The following EML4 variants were observed in gnomAD, a reference collection of about 807,000 sequenced individuals.
EML4 encodes the protein EMAP like 4, also known as echinoderm microtubule-associated protein-like 4.
In EML4, 72 loss-of-function variants were observed where a neutral mutation model predicts 129.0. The ratio of observed to expected loss-of-function variants is 0.56; its 90% CI spans 0.46 to 0.68. EML4 has a LOEUF of 0.68. Ranked by LOEUF, EML4 falls within the 30% of genes least tolerant of loss-of-function variation. The probability of loss-of-function intolerance (pLI) is 0.00; values close to 1 mark genes in which losing one functional copy is unlikely to be tolerated. For synonymous variants in EML4, 532 were observed against 405.0 expected (o/e 1.31, Z -3.77); for missense variants, 1,363 against 1,190.6 (o/e 1.14, Z -2.13).
chr2:42,208,455 T>G (rs1157360803), intron 1 of EML4, among the ~76,000 whole-genome samples: 3 of 151,216 alleles, frequency 2.0e-5, no homozygotes, highest in Admixed American at 6.6e-5. Context: ...TTTTTTTTTT[T>G]TGAGACAGAA....
chr2:42,283,036 T>G, intron 8 of EML4, 64 bp downstream of exon 8: 1 of 1,448,806 alleles, frequency 6.9e-7, no homozygotes, highest in Non-Finnish European at 9.3e-7. Context: ...ATTTTTTAAA[T>G]TTGGGTTTTA....
At chr2:42,280,758 G>GTA in intron 6 of EML4, 92 bp from the exon 7 acceptor site, 1 of 951,982 alleles carries the variant, frequency 1.1e-6, no homozygotes, top group Non-Finnish European at 1.5e-6. Context: ...AGTCATTTTT[G>GTA]TCTTGTTTTT....
At chr2:42,182,360 C>G (rs972914235) in intron 1 of EML4, among the ~76,000 whole-genome samples, 3 of 148,512 alleles carry the variant, frequency 2.0e-5, no homozygotes, top group South Asian at 2.2e-4. Context: ...CTGATTGAAC[C>G]TGTGCTGGGC....
intron 6 of EML4, among the ~76,000 whole-genome samples, chr2:42,277,524 A>G (rs1208598677): frequency 1.3e-5 from 2 of 152,088 alleles, no homozygotes; most frequent in African/African-American, 2.4e-5. Flanking sequence ...ACACTGAGTA[A>G]TAATAATAAA....
At chr2:42,293,336 A>G (rs557630040) in intron 11 of EML4, among the ~76,000 whole-genome samples, 1 of 152,254 alleles carries the variant, frequency 6.6e-6, no homozygotes, top group South Asian at 2.1e-4. Flanking sequence ...TCCTGGCCTC[A>G]GCAGTCCTCC....
chr2:42,214,556 A>T (rs1273556829), intron 1 of EML4, among the ~76,000 whole-genome samples: 1 of 152,200 alleles, frequency 6.6e-6, no homozygotes, highest in Non-Finnish European at 1.5e-5. Flanking sequence ...TTAAAAAAAC[A>T]AACACCTAAT....
chr2:42,277,210 G>T (rs1666703772), intron 6 of EML4, among the ~76,000 whole-genome samples: 1 of 152,134 alleles, frequency 6.6e-6, no homozygotes, highest in African/African-American at 2.4e-5. Context: ...AATTCCAAAG[G>T]ATGAGATATC....
At chr2:42,243,997 G>T (rs1178252853) in intron 1 of EML4, among the ~76,000 whole-genome samples, 2 of 101,180 alleles carry the variant, frequency 2.0e-5, no homozygotes, top group African/African-American at 4.2e-5. Context: ...TAAGCCAACG[G>T]TGTTTTTAAC....
At chr2:42,250,959 G>C (rs1675726919) in intron 2 of EML4, among the ~76,000 whole-genome samples, 1 of 152,184 alleles carries the variant, frequency 6.6e-6, no homozygotes, top group African/African-American at 2.4e-5. Flanking sequence ...ATGCAACCTA[G>C]ATCCCTCACA....
intron 1 of EML4, among the ~76,000 whole-genome samples, chr2:42,192,537 G>T: frequency 6.6e-6 from 1 of 152,034 alleles, no homozygotes; most frequent in African/African-American, 2.4e-5. Context: ...ACCGTGCCCA[G>T]CCTACTGTTT....
At chr2:42,281,756 A>T (rs1572683105) in intron 7 of EML4, among the ~76,000 whole-genome samples, 1 of 152,164 alleles carries the variant, frequency 6.6e-6, no homozygotes, top group East Asian at 1.9e-4. Flanking sequence ...TTTTTAAATG[A>T]CTGTTAAAGG....
intron 2 of EML4, among the ~76,000 whole-genome samples, chr2:42,255,488 A>G (rs1572635671): frequency 7.9e-5 from 12 of 152,316 alleles, no homozygotes; most frequent in Admixed American, 7.2e-4. Flanking sequence ...TGAATTCTAC[A>G]TTTTTAAATG....
In EML4 at chr2:42,294,970, T is replaced by C. The variant is rs543782206; in HGVS notation, c.1219-155T>C. Among the ~76,000 whole-genome samples, 33 of 152,308 alleles carry C rather than the reference T, an allele frequency of 2.2e-4. No individual in the cohort carries two copies. The South Asian group carries it at 5.0e-3, about 23-fold the overall frequency. On this transcript the variant is annotated intron_variant, in intron 11 of 22. Transcript: ENST00000318522. ...ATCAAATTTAAATCATCCCAAAAAA[T>C]ACATTATCAAAATTTTTCAGGAAAA...
intron 21 of EML4, among the ~76,000 whole-genome samples, chr2:42,326,776 G>C (rs1005470069): frequency 2.6e-5 from 4 of 152,146 alleles, no homozygotes; most frequent in Non-Finnish European, 4.4e-5. Flanking sequence ...CAGTTACGTG[G>C]GAGGCTGAGG....
At chr2:42,207,704 A>G (rs1460610788) in intron 1 of EML4, among the ~76,000 whole-genome samples, 2 of 152,166 alleles carry the variant, frequency 1.3e-5, no homozygotes, top group Non-Finnish European at 2.9e-5. Context: ...TTTTCTGCTT[A>G]CTTTCTGGTC....
At chr2:42,169,723 C>T (rs2103764599) in intron 1 of EML4, 87 bp downstream of exon 1, 1 of 1,465,518 alleles carries the variant, frequency 6.8e-7, no homozygotes, top group Non-Finnish European at 9.2e-7. Context: ...GCCCTCCCGC[C>T]TGCCCCTCGG....
chr2:42,238,806 C>G (rs1674843547), intron 1 of EML4, among the ~76,000 whole-genome samples: 2 of 152,110 alleles, frequency 1.3e-5, no homozygotes, highest in Non-Finnish European at 1.5e-5. Flanking sequence ...GTTTTAAAGA[C>G]AGGGTCTTGC....
intron 1 of EML4, among the ~76,000 whole-genome samples, chr2:42,244,755 T>C (rs1343480544): frequency 1.7e-4 from 26 of 152,182 alleles, no homozygotes; most frequent in Admixed American, 1.7e-3. Context: ...ACTCCCTATC[T>C]GATACATAAA....
chr2:42,196,142 A>G (rs1671882558), intron 1 of EML4, among the ~76,000 whole-genome samples: 2 of 152,326 alleles, frequency 1.3e-5, no homozygotes, highest in East Asian at 1.9e-4. Flanking sequence ...AAGCTTGTGC[A>G]AATACTTCTC....
Sources: allele counts gnomAD v4.1 joint callset (sites outside exome capture counted in the v4.1 genomes callset), GRCh38; gene constraint gnomAD v4.1.1; transcripts MANE v1.5; gene names NCBI Gene and HGNC (gene_info 2026-07-23, HGNC 2026-07-21).